FBXW11: variants seen among roughly 807,000 people sequenced by gnomAD.
FBXW11 encodes the protein F-box and WD repeat domain containing 11, also known as F-box/WD repeat-containing protein 11.
A neutral mutation model predicts 77.6 loss-of-function variants in FBXW11; 19 were observed. The observed-to-expected ratio is 0.24, with a 90% CI of 0.17 to 0.36. The LOEUF is 0.36. Ranked by LOEUF, FBXW11 falls within the 10% of genes least tolerant of loss-of-function variation. The probability of loss-of-function intolerance (pLI) is 1.00; values close to 1 mark genes in which losing one functional copy is unlikely to be tolerated. For synonymous variants in FBXW11, 235 were observed against 249.4 expected, an observed-to-expected ratio of 0.94 and a Z score of 0.54; for missense variants, 334 against 704.2, an observed-to-expected ratio of 0.47 and a Z score of 5.95.
At chr5:171,975,908 A>T (rs1315785444) in intron 1 of FBXW11, among the ~76,000 whole-genome samples, 1 of 152,216 alleles carries the variant, frequency 6.6e-6, no homozygotes, top group Non-Finnish European at 1.5e-5. Flanking sequence ...GAATTCTGGG[A>T]TCAGAAAGTT....
chr5:171,938,057 A>T (rs1762566048), intron 2 of FBXW11, among the ~76,000 whole-genome samples: 1 of 152,160 alleles, frequency 6.6e-6, no homozygotes, highest in South Asian at 2.1e-4. Flanking sequence ...GAAAAGTCAT[A>T]ATCAAACTTT....
chr5:171,965,890 C>T (rs1323807426), intron 1 of FBXW11, among the ~76,000 whole-genome samples: 1 of 152,016 alleles, frequency 6.6e-6, no homozygotes, highest in Non-Finnish European at 1.5e-5. Context: ...AGGTGGTTGA[C>T]TCATGGGGGT....
Position 171,876,587 on chromosome 5 carries a change from G to T in FBXW11, c.972-53C>A, listed in dbSNP as rs1758099220. 1 of 1,593,640 alleles carries T rather than the reference G, an allele frequency of 6.3e-7. No homozygotes were observed. The highest frequency in any genetic ancestry group is 8.6e-7 in the Non-Finnish European group (1 of 1,165,810). On this transcript the variant is annotated intron_variant, in intron 8 of 13. Coordinates refer to ENST00000517395, the MANE Select transcript of FBXW11 (RefSeq NM_001378974.1). This position sits in a 1 kb window ranked among gnomAD's most constrained non-coding sequence, Gnocchi z 4.2. ...TTAATTATGGAGACAGCCAGGAAATGATTCTGGTATCTGAGCTCTGTCTGG... is the reference window on the plus strand; with the variant it reads ...TTAATTATGGAGACAGCCAGGAAATTATTCTGGTATCTGAGCTCTGTCTGG...
At chr5:171,895,056 G>A (rs1217386756) in intron 6 of FBXW11, among the ~76,000 whole-genome samples, 2 of 152,166 alleles carry the variant, frequency 1.3e-5, no homozygotes, top group African/African-American at 4.8e-5. Context: ...CCATTCCCAG[G>A]AAGAGGCTCA....
chr5:171,937,011 C>A (rs1483048024), intron 2 of FBXW11, among the ~76,000 whole-genome samples: 1 of 152,184 alleles, frequency 6.6e-6, no homozygotes, highest in East Asian at 1.9e-4. Flanking sequence ...TGGTGGAATT[C>A]TCTGTGAATC....
At chr5:171,960,972 T>C (rs1033503203) in intron 1 of FBXW11, among the ~76,000 whole-genome samples, 15 of 152,238 alleles carry the variant, frequency 9.9e-5, no homozygotes, top group Non-Finnish European at 2.9e-5. Context: ...CTATGGTAGA[T>C]ACTGTAAGAT....
chr5:171,897,456 T>A (rs1033067368), intron 6 of FBXW11, among the ~76,000 whole-genome samples: 1 of 152,144 alleles, frequency 6.6e-6, no homozygotes, highest in Non-Finnish European at 1.5e-5. Flanking sequence ...CAGAGCTGTT[T>A]CCCCTCACAC....
chr5:171,963,206 C>CACAT (rs2113359791), intron 1 of FBXW11, among the ~76,000 whole-genome samples: 1 of 138,178 alleles, frequency 7.2e-6, no homozygotes, highest in African/African-American at 2.5e-5. Context: ...CACACACACA[C>CACAT]ATATATATAT....
chr5:171,989,333 A>G (rs554880210), intron 1 of FBXW11, among the ~76,000 whole-genome samples: 9 of 152,388 alleles, frequency 5.9e-5, no homozygotes, highest in Admixed American at 5.2e-4. Flanking sequence ...TAATAGCAGA[A>G]GAGAAAATTT....
intron 2 of FBXW11, among the ~76,000 whole-genome samples, chr5:171,929,459 T>TG (rs1350195052): frequency 6.6e-6 from 1 of 152,196 alleles, no homozygotes; most frequent in Non-Finnish European, 1.5e-5. Flanking sequence ...CTATAGTCAA[T>TG]GCAACAGAGC....
chr5:172,001,862 T>A (rs1390511202), intron 1 of FBXW11, among the ~76,000 whole-genome samples: 4 of 152,202 alleles, frequency 2.6e-5, no homozygotes, highest in African/African-American at 9.7e-5. Context: ...TTGATAAATA[T>A]CAGTAGCCTT....
intron 1 of FBXW11, among the ~76,000 whole-genome samples, chr5:171,967,883 T>TACACAC (rs59469025): frequency 2.7e-5 from 2 of 74,976 alleles, no homozygotes; most frequent in Non-Finnish European, 5.2e-5. Flanking sequence ...TATATATATA[T>TACACAC]ACACACACAC....
intron 2 of FBXW11, among the ~76,000 whole-genome samples, chr5:171,942,471 T>C (rs1458814182): frequency 6.6e-6 from 1 of 152,214 alleles, no homozygotes; most frequent in Non-Finnish European, 1.5e-5. Flanking sequence ...TCCTTATGGT[T>C]AGATTTAGTT....
At chr5:171,988,945 G>A (rs1479798608) in intron 1 of FBXW11, among the ~76,000 whole-genome samples, 1 of 152,190 alleles carries the variant, frequency 6.6e-6, no homozygotes, top group African/African-American at 2.4e-5. Context: ...GGGAGGCCGA[G>A]GTGGGCGAAT....
At chr5:171,988,688 T>G (rs1387261837) in intron 1 of FBXW11, among the ~76,000 whole-genome samples, 5 of 151,100 alleles carry the variant, frequency 3.3e-5, no homozygotes, top group African/African-American at 1.2e-4. Flanking sequence ...CTAATAAAAA[T>G]ACAAAAATTA....
intron 2 of FBXW11, among the ~76,000 whole-genome samples, chr5:171,921,922 A>G (rs1028516281): frequency 1.3e-5 from 2 of 152,114 alleles, no homozygotes; most frequent in African/African-American, 4.8e-5. Context: ...AAAATTTTTC[A>G]GAGACAGGGT....
intron 2 of FBXW11, among the ~76,000 whole-genome samples, chr5:171,952,442 T>C (rs1443934850): frequency 8.2e-5 from 2 of 24,530 alleles, no homozygotes; most frequent in African/African-American, 2.8e-4. Context: ...TATATATATA[T>C]ATATATTTTT....
intron 1 of FBXW11, among the ~76,000 whole-genome samples, chr5:171,958,658 C>T (rs1043315077): frequency 6.6e-6 from 1 of 152,174 alleles, no homozygotes; most frequent in African/African-American, 2.4e-5. Context: ...ATAAAATGAA[C>T]ATATGTACTA....
intron 5 of FBXW11, 71 bp downstream of exon 5, chr5:171,899,843 A>T (rs144160141): frequency 1.9e-5 from 26 of 1,364,382 alleles, no homozygotes; most frequent in Non-Finnish European, 2.5e-5. Context: ...GTATAATTGC[A>T]TTTTTGAGTA....
Sources: gnomAD v4.1 joint callset for allele counts (sites outside exome capture counted in the v4.1 genomes callset) on GRCh38, gnomAD v4.1.1 for gene constraint, Gnocchi (gnomAD v3.1) non-coding constraint, MANE v1.5 for transcripts, NCBI Gene and HGNC (gene_info 2026-07-23, HGNC 2026-07-21) for gene names.